Variants in WIPF3 observed in about 807,000 individuals in gnomAD.
WIPF3 encodes the protein WAS/WASL-interacting protein family member 3.
Under a neutral mutation model 38.9 loss-of-function variants are expected in WIPF3, and 33 were observed. The observed-to-expected ratio is 0.85, with a 90% confidence interval of 0.64 to 1.14. WIPF3 has a LOEUF of 1.14. Ranked by LOEUF, WIPF3 falls within the 50% of genes most tolerant of loss-of-function variation. The pLI is 0.00. For synonymous variants in WIPF3, 324 were observed against 269.3 expected (o/e 1.20, Z -1.99); for missense variants, 711 against 652.5 (o/e 1.09, Z -0.98).
chr7:29,839,648 G>T (rs1784883911), intron 2 of WIPF3, among the ~76,000 whole-genome samples: 2 of 152,188 alleles, frequency 1.3e-5, no homozygotes, highest in Admixed American at 6.5e-5. Context: ...GCCACAGCCA[G>T]CTCACCACCT....
At chr7:29,905,293 G>A (rs955163507) in intron 8 of WIPF3, 2 of 152,156 alleles carry the variant, frequency 1.3e-5, no homozygotes, top group Admixed American at 6.5e-5. Flanking sequence ...TGTAGTTAAG[G>A]AAGAAGTATA....
At chr7:29,901,184 C>T (rs1008393073) in intron 7 of WIPF3, among the ~76,000 whole-genome samples, 1 of 152,052 alleles carries the variant, frequency 6.6e-6, no homozygotes. Context: ...TGTGAAAACC[C>T]CTGATTTGGT....
chr7:29,835,406 A>T (rs1784784857), intron 2 of WIPF3, among the ~76,000 whole-genome samples: 1 of 152,144 alleles, frequency 6.6e-6, no homozygotes, highest in South Asian at 2.1e-4. Context: ...GTTTTGGAAC[A>T]GGGATTCTCA....
rs955918867 is a variant in WIPF3 at position 29,915,306 on chromosome 7, T to C, written c.*790T>C. 2.0e-5 allele frequency: 3 copies of C among 152,126 alleles called. No individual in the cohort carries two copies. Among genetic ancestry groups the C allele is most frequent in the African/African-American group, 4.8e-5 (2 of 41,390 alleles). The allele number at this position is 152,126 out of a possible 1,614,324, so 9.4% of individuals were successfully genotyped here. Reference sequence around the variant, plus strand: ...CCAGTCCCATCCCAGTAGCCAGCTTTATGAGATTTTGGTATTTCTTCCCTA... The same window carrying C: ...CCAGTCCCATCCCAGTAGCCAGCTTCATGAGATTTTGGTATTTCTTCCCTA... On this transcript the variant is annotated 3_prime_UTR_variant, in exon 9 of 9. Coordinates refer to ENST00000242140, the MANE Select transcript of WIPF3 (RefSeq NM_001080529.3).
At chr7:29,890,820 G>A (rs1180544552) in intron 7 of WIPF3, among the ~76,000 whole-genome samples, 1 of 143,362 alleles carries the variant, frequency 7.0e-6, no homozygotes, top group Non-Finnish European at 1.5e-5. Flanking sequence ...AGGTGGAGGG[G>A]GCGCAGACCT....
chr7:29,899,538 T>TA (rs1786229158), intron 7 of WIPF3, among the ~76,000 whole-genome samples: 1 of 152,238 alleles, frequency 6.6e-6, no homozygotes, highest in Non-Finnish European at 1.5e-5. Flanking sequence ...AGACACTCCT[T>TA]ACGTATTTGT....
intron 1 of WIPF3, among the ~76,000 whole-genome samples, chr7:29,832,457 A>G (rs542204560): frequency 2.0e-5 from 3 of 152,334 alleles, no homozygotes; most frequent in African/African-American, 4.8e-5. Flanking sequence ...GTTACCTGAA[A>G]GAAACACGTA....
intron 7 of WIPF3, among the ~76,000 whole-genome samples, chr7:29,897,751 T>G (rs766156834): frequency 6.6e-5 from 10 of 152,230 alleles, no homozygotes; most frequent in Non-Finnish European, 8.8e-5. Flanking sequence ...AGGGTATTTA[T>G]TTCCATCTTT....
chr7:29,849,685 A>G (rs1302261232), intron 2 of WIPF3, among the ~76,000 whole-genome samples: 1 of 152,200 alleles, frequency 6.6e-6, no homozygotes, highest in Non-Finnish European at 1.5e-5. Context: ...GATAGCATAC[A>G]AAGTGTGTGT....
At chr7:29,825,138 A>T (rs1276687245) in intron 1 of WIPF3, among the ~76,000 whole-genome samples, 4 of 152,192 alleles carry the variant, frequency 2.6e-5, no homozygotes, top group Non-Finnish European at 2.9e-5. Flanking sequence ...TAAATTAAAG[A>T]GGTGGTCATT....
chr7:29,894,720 A>G (rs939891419), intron 7 of WIPF3, among the ~76,000 whole-genome samples: 2 of 151,490 alleles, frequency 1.3e-5, no homozygotes, highest in Non-Finnish European at 2.9e-5. Context: ...GTGGTCTCCT[A>G]TGTGCCCTCT....
chr7:29,836,328 A>C (rs1337357190), intron 2 of WIPF3, among the ~76,000 whole-genome samples: 1 of 152,244 alleles, frequency 6.6e-6, no homozygotes, highest in African/African-American at 2.4e-5. Context: ...TTTAGCCAGA[A>C]TAAATAAACT....
chr7:29,904,543 T>C, intron 8 of WIPF3, 181 bp downstream of exon 8: 1 of 598,966 alleles, frequency 1.7e-6, no homozygotes, highest in Non-Finnish European at 2.9e-6. Context: ...CATTTCAAAA[T>C]CTGAAGTGTG....
chr7:29,853,981 T>G (rs1461876920), intron 2 of WIPF3, among the ~76,000 whole-genome samples: 1 of 152,218 alleles, frequency 6.6e-6, no homozygotes, highest in African/African-American at 2.4e-5. Flanking sequence ...TCACGAAGTT[T>G]AAACACCATT....
intron 1 of WIPF3, among the ~76,000 whole-genome samples, chr7:29,818,759 G>A (rs771843299): frequency 1.3e-5 from 2 of 151,914 alleles, no homozygotes; most frequent in Non-Finnish European, 2.9e-5. Context: ...TGACAATAGT[G>A]GACATGCTTG....
At position 29,844,406 on chromosome 7, in the gene WIPF3, C is replaced by T. The variant is rs1784966447; in HGVS notation, c.90+9592C>T. Reference sequence around the variant, plus strand: ...TAAATAGCTATTGTGCCCCCAAGTACTGTGTTAAGCACTTAACATGGATTG... The same window carrying T: ...TAAATAGCTATTGTGCCCCCAAGTATTGTGTTAAGCACTTAACATGGATTG... On this transcript the variant is annotated intron_variant, in intron 2 of 8. Transcript: ENST00000242140. The surrounding 1 kb of genome is among the most constrained non-coding windows in gnomAD (Gnocchi z 4.8). Among the ~76,000 whole-genome samples the T allele has an allele frequency of 6.6e-6, 1 of 152,200 alleles. No homozygotes were observed. The highest frequency in any genetic ancestry group is 2.4e-5 in the African/African-American group (1 of 41,442).
chr7:29,907,446 A>T (rs1198427940), intron 8 of WIPF3, among the ~76,000 whole-genome samples: 1 of 152,234 alleles, frequency 6.6e-6, no homozygotes, highest in Non-Finnish European at 1.5e-5. Context: ...TAGTCTTACA[A>T]CTTTAGGATG....
chr7:29,879,054 G>A lies in WIPF3; in HGVS notation c.269G>A (p.Arg90Gln), dbSNP rs368644231. 7 of 1,607,094 alleles carry A rather than the reference G, an allele frequency of 4.4e-6. No individual in the cohort carries two copies. The highest frequency in any genetic ancestry group is 4.0e-5 in the African/African-American group (3 of 74,986). The change falls in exon 4 of 9, where the codon CGA becomes CAA. Residue 90 changes from arginine to glutamine, a missense_variant. Transcript: ENST00000242140. ...NKEGGGSANT[R>Q]GASTPPTLGD... is the part of the protein sequence containing the mutation. Reference sequence around the variant, plus strand: ...GAAGGAGGAGGTTCTGCAAACACACGAGGCGCGAGCACACCTCCCACCCTG... The same window carrying A: ...GAAGGAGGAGGTTCTGCAAACACACAAGGCGCGAGCACACCTCCCACCCTG...
At chr7:29,807,089 G>A (rs891264971) in intron 1 of WIPF3, among the ~76,000 whole-genome samples, 1 of 152,124 alleles carries the variant, frequency 6.6e-6, no homozygotes, top group Non-Finnish European at 1.5e-5. Context: ...GGAACAAAAG[G>A]CTGGGGTCTC....
Sources: gnomAD v4.1 joint callset for allele counts (sites outside exome capture counted in the v4.1 genomes callset) on GRCh38, gnomAD v4.1.1 for gene constraint, Gnocchi (gnomAD v3.1) non-coding constraint, MANE v1.5 for transcripts, NCBI Gene and HGNC (gene_info 2026-07-23, HGNC 2026-07-21) for gene names.